Variants in HHAT observed in about 807,000 individuals in gnomAD.
The protein encoded by HHAT is hedgehog acyltransferase.
In HHAT, 47 loss-of-function variants were observed where a neutral mutation model predicts 70.8. The ratio of observed to expected loss-of-function variants is 0.66; its 90% confidence interval spans 0.53 to 0.85. HHAT has a LOEUF of 0.85. HHAT is among the 40% of genes least tolerant of loss of function. The pLI is 0.00. For synonymous variants in HHAT, 228 were observed against 247.6 expected, an observed-to-expected ratio of 0.92 and a Z score of 0.74; for missense variants, 609 against 604.8, an observed-to-expected ratio of 1.01 and a Z score of -0.07.
chr1:210,429,477 A>C (rs1260710098), intron 7 of HHAT, among the ~76,000 whole-genome samples: 1 of 151,834 alleles, frequency 6.6e-6, no homozygotes, highest in African/African-American at 2.4e-5. Flanking sequence ...AATGTCCCAC[A>C]CACTGGATTT....
intron 7 of HHAT, among the ~76,000 whole-genome samples, chr1:210,454,242 A>AG (rs34728752): frequency 0.094 from 14,234 of 152,198 alleles, 724 homozygotes; most frequent in South Asian, 0.12. Context: ...TAGAATTTTC[A>AG]GACATTTTGC....
chr1:210,575,930 G>A (rs1657621657), intron 9 of HHAT, among the ~76,000 whole-genome samples: 1 of 152,208 alleles, frequency 6.6e-6, no homozygotes, highest in Non-Finnish European at 1.5e-5. Context: ...AAGGGTGACA[G>A]TTATTTGATG....
At chr1:210,618,210 G>C (rs1668132728) in intron 10 of HHAT, among the ~76,000 whole-genome samples, 1 of 152,130 alleles carries the variant, frequency 6.6e-6, no homozygotes, top group Non-Finnish European at 1.5e-5. Context: ...AATGACTTTG[G>C]AATCTGAGTC....
chr1:210,534,379 A>AT (rs199715965), intron 9 of HHAT, among the ~76,000 whole-genome samples: 4 of 150,988 alleles, frequency 2.6e-5, no homozygotes, highest in Non-Finnish European at 1.5e-5. Context: ...ATTTATACAT[A>AT]TTTTTTTCCA....
intron 9 of HHAT, among the ~76,000 whole-genome samples, chr1:210,560,654 A>G (rs2095612937): frequency 6.6e-6 from 1 of 151,120 alleles, no homozygotes; most frequent in South Asian, 2.1e-4. Context: ...TCTACCAAAA[A>G]AAAAAAAAAG....
intron 3 of HHAT, among the ~76,000 whole-genome samples, chr1:210,380,399 G>A (rs1343513961): frequency 1.3e-5 from 2 of 152,034 alleles, no homozygotes. Context: ...AAATTAGTTG[G>A]GCATGGCAGT....
intron 10 of HHAT, among the ~76,000 whole-genome samples, chr1:210,611,488 G>T (rs1666574610): frequency 6.6e-6 from 1 of 151,986 alleles, no homozygotes; most frequent in Non-Finnish European, 1.5e-5. Context: ...CTATTTGAAT[G>T]CGCTTTATTT....
At chr1:210,642,195 TTA>T (rs1261817786) in intron 11 of HHAT, among the ~76,000 whole-genome samples, 4 of 152,218 alleles carry the variant, frequency 2.6e-5, no homozygotes, top group Non-Finnish European at 5.9e-5. Context: ...CCTTTTGAGA[TTA>T]TGTTTGAAAG....
chr1:210,477,786 T>G (rs1254693397), intron 8 of HHAT, among the ~76,000 whole-genome samples: 2 of 152,118 alleles, frequency 1.3e-5, no homozygotes, highest in Non-Finnish European at 2.9e-5. Flanking sequence ...CTGCATTATT[T>G]TAATCGAGGT....
At chr1:210,358,902 G>GC in intron 2 of HHAT, among the ~76,000 whole-genome samples, 1 of 152,346 alleles carries the variant, frequency 6.6e-6, no homozygotes, top group Non-Finnish European at 1.5e-5. Context: ...TACCACCACA[G>GC]CTCATTGGCA....
At chr1:210,329,485 T>G in intron 1 of HHAT, 4 of 1,018,976 alleles carry the variant, frequency 3.9e-6, no homozygotes, top group Non-Finnish European at 4.7e-6. Context: ...GACTCTAAAG[T>G]TAGAGACTTC....
chr1:210,516,655 A>G (rs1246780317), intron 9 of HHAT, among the ~76,000 whole-genome samples: 1 of 152,126 alleles, frequency 6.6e-6, no homozygotes, highest in African/African-American at 2.4e-5. Flanking sequence ...CCCCCTCAAG[A>G]TTAACTACAT....
At position 210,589,327 on chromosome 1, in the gene HHAT, T is replaced by C. The variant is rs376165263; in HGVS notation, c.1245+1228T>C. On this transcript the variant is annotated intron_variant, in intron 10 of 11. Coordinates refer to ENST00000261458, the MANE Select transcript of HHAT (RefSeq NM_018194.6). ...CAACACATTGGAGGGGATTTAAATA[T>C]GCTCATGTATGTATAAAGATAAATA... 3.3e-4 allele frequency: 50 copies of C among 152,354 alleles called. 1 individual carries two copies. Among genetic ancestry groups the C allele is most frequent in the African/African-American group, 1.2e-3 (50 of 41,594 alleles). The allele number at this position is 152,354 out of a possible 1,614,324, so 9.4% of individuals were successfully genotyped here. A position where few individuals can be genotyped will look rare whatever the true frequency, so the allele number is the denominator to read the frequency against.
intron 9 of HHAT, among the ~76,000 whole-genome samples, chr1:210,543,107 A>G (rs2095447105): frequency 6.6e-6 from 1 of 152,190 alleles, no homozygotes; most frequent in African/African-American, 2.4e-5. Flanking sequence ...TCCTGCCAAG[A>G]AAGCGAAAAC....
chr1:210,432,181 G>A (rs2093265304), intron 7 of HHAT, among the ~76,000 whole-genome samples: 1 of 151,786 alleles, frequency 6.6e-6, no homozygotes, highest in South Asian at 2.1e-4. Context: ...AGACAGGTAC[G>A]TGGGAACTGT....
At chr1:210,571,985 G>A (rs1033022836) in intron 9 of HHAT, among the ~76,000 whole-genome samples, 3 of 152,098 alleles carry the variant, frequency 2.0e-5, no homozygotes, top group South Asian at 2.1e-4. Context: ...CATCATTCCC[G>A]CAGCCCTGAC....
In HHAT at chr1:210,542,272, T is replaced by G. The variant is rs548973622; in HGVS notation, c.1043+29084T>G. Among the ~76,000 whole-genome samples, 7 of 152,142 alleles carry G rather than the reference T, an allele frequency of 4.6e-5. No individual in the cohort carries two copies. The South Asian group carries it at 1.5e-3, about 32-fold the overall frequency. ...GGAATAAATAGGTAGGGGTGGGAGGTTGGCCTCCAACTGCCCAAATTTCTT... is the reference window on the plus strand; with the variant it reads ...GGAATAAATAGGTAGGGGTGGGAGGGTGGCCTCCAACTGCCCAAATTTCTT... On this transcript the variant is annotated intron_variant, in intron 9 of 11. Transcript: ENST00000261458.
intron 6 of HHAT, 90 bp from the exon 7 acceptor site, chr1:210,418,064 T>C: frequency 8.2e-7 from 1 of 1,221,184 alleles, no homozygotes. Flanking sequence ...ATAGCAATAA[T>C]ATTTGTGGGA....
intron 9 of HHAT, among the ~76,000 whole-genome samples, chr1:210,538,010 G>A (rs891493546): frequency 1.3e-5 from 2 of 151,630 alleles, no homozygotes; most frequent in Non-Finnish European, 2.9e-5. Context: ...ATTAGAAATA[G>A]TGATGAAAGT....
Sources: gnomAD v4.1 joint callset for allele counts (sites outside exome capture counted in the v4.1 genomes callset) on GRCh38, gnomAD v4.1.1 for gene constraint, MANE v1.5 for transcripts, NCBI Gene and HGNC (gene_info 2026-07-23, HGNC 2026-07-21) for gene names.